REEP5: variants seen among roughly 807,000 people sequenced by gnomAD.
REEP5 encodes receptor accessory protein 5.
REEP5 carries 24 observed loss-of-function variants against 22.4 expected under a neutral mutation model. The ratio of observed to expected loss-of-function variants is 1.07; its 90% CI spans 0.78 to 1.51. The LOEUF (loss-of-function observed/expected upper bound fraction) is 1.51, where lower values mean the gene tolerates loss of function less well. REEP5 is among the 40% of genes most tolerant of loss of function. The pLI, the probability that REEP5 is intolerant of heterozygous loss-of-function variation, is 0.00. For missense variants in REEP5, 252 were observed against 233.0 expected (o/e 1.08, Z -0.53); for synonymous variants, 103 against 88.6 (o/e 1.16, Z -0.92).
rs1768595865 is a variant in REEP5, at chr5:112,894,061, C to T, written c.352-6878G>A. On this transcript the variant is annotated intron_variant, in intron 3 of 4. Coordinates refer to ENST00000379638, the MANE Select transcript of REEP5 (RefSeq NM_005669.5). ...GTTAATTACAGCAGACCCTGCAAGA[C>T]CACCTCTCTAGTTATTTCCCTGTGG... is the stretch of plus-strand genomic sequence containing the variant. The T allele has an allele frequency of 1.3e-5, 2 of 152,106 alleles. 1 individual carries two copies. The highest frequency in any genetic ancestry group is 4.1e-4 in the South Asian group (2 of 4,822). 9.4% of individuals were successfully genotyped at this position (152,106 alleles called of 1,614,324 possible).
At chr5:112,909,638 A>G (rs1018180049) in intron 2 of REEP5, among the ~76,000 whole-genome samples, 1 of 152,164 alleles carries the variant, frequency 6.6e-6, no homozygotes, top group Admixed American at 6.5e-5. Flanking sequence ...AGAATGGCAG[A>G]AATTCTTTAC....
chr5:112,915,169 AAAG>A (rs975965062), intron 2 of REEP5, among the ~76,000 whole-genome samples: 37 of 152,300 alleles, frequency 2.4e-4, no homozygotes, highest in African/African-American at 7.7e-4. Context: ...GCTACGACAG[AAAG>A]AAGGACAAAT....
rs1228701795 is a variant in REEP5 at position 112,902,407 on chromosome 5, T to C, written c.324A>G (p.Ser108=). Residue 108 remains serine, a synonymous_variant, in exon 3 of 5, where the codon TCA becomes TCG. Coordinates refer to ENST00000379638, the MANE Select transcript of REEP5 (RefSeq NM_005669.5). ...IAEFFSDIFL[S]WFPFYYMLKC... ...TCAGCATGTAGTAGAAGGGGAACCA[T>C]GACAGGAAGATATCAGAGAAGAATT... 1 of 1,613,034 alleles carries C rather than the reference T, an allele frequency of 6.2e-7. No homozygotes were observed. The highest frequency in any genetic ancestry group is 1.1e-5 in the South Asian group (1 of 90,836).
chr5:112,905,925 C>T (rs930256174), intron 2 of REEP5, among the ~76,000 whole-genome samples: 1 of 152,144 alleles, frequency 6.6e-6, no homozygotes, highest in Non-Finnish European at 1.5e-5. Flanking sequence ...GCCCAGGATA[C>T]TTATATACCT....
chr5:112,921,222 G>A lies in REEP5; in HGVS notation c.153C>T (p.Phe51=), dbSNP rs368322083. Residue 51 remains phenylalanine (F), a synonymous_variant, in exon 2 of 5, where the codon TTC becomes TTT. Coordinates refer to ENST00000379638, the MANE Select transcript of REEP5 (RefSeq NM_005669.5). ...TGCAGAGGAGAGAGGCTCCATAACC[G>A]AACACCAGGTACAAGGCCACCAGTC... ...VIGLVALYLV[F]GYGASLLCNL... The A allele has an allele frequency of 2.5e-6, 4 of 1,614,104 alleles. No homozygotes were observed. The East Asian group carries it at 6.7e-5, about 27-fold the overall frequency.
At chr5:112,904,002 C>G (rs1322459061) in intron 2 of REEP5, among the ~76,000 whole-genome samples, 1 of 152,098 alleles carries the variant, frequency 6.6e-6, no homozygotes, top group African/African-American at 2.4e-5. Context: ...TAGCTACTTG[C>G]TAAATTTTTA....
At chr5:112,908,210 C>T (rs541725699) in intron 2 of REEP5, among the ~76,000 whole-genome samples, 16 of 149,782 alleles carry the variant, frequency 1.1e-4, no homozygotes, top group Non-Finnish European at 2.4e-4. Flanking sequence ...AAGCAATTCT[C>T]CTGCCTCAGC....
chr5:112,894,470 T>C lies in REEP5; in HGVS notation c.352-7287A>G, dbSNP rs903881157. ...TACAATGTTTTACTGTAGTTGCTTA[T>C]ATAGGAAAAGCTATACATCCCCAAA... On this transcript the variant is annotated intron_variant, in intron 3 of 4. Transcript: ENST00000379638. 2.0e-5 allele frequency: 3 copies of C among 152,206 alleles called. No homozygotes were observed. In the East Asian group the frequency reaches 5.8e-4, roughly 29 times the overall value. 9.4% of individuals were successfully genotyped at this position (152,206 alleles called of 1,614,324 possible). A position where few individuals can be genotyped will look rare whatever the true frequency, so the allele number is the denominator to read the frequency against.
chr5:112,922,169 T>A lies in REEP5; in HGVS notation c.22A>T (p.Arg8Trp). 6.2e-7 allele frequency: 1 copy of A among 1,607,732 alleles called. No homozygotes were observed. Among genetic ancestry groups the A allele is most frequent in the Middle Eastern group, 1.7e-4 (1 of 6,052 alleles). ...TTCTCGTGCAGGAACCGGTCGAACC[T>A]CTCCCTCATGGCCGCAGACATGGCG... MSAAMRE[R>W]FDRFLHEKNC... Residue 8 changes from arginine (R) to tryptophan (W), a missense_variant, in exon 1 of 5, where the codon AGG becomes TGG. By Grantham distance (101) the Arg-to-Trp change is moderately radical. Transcript: ENST00000379638.
intron 3 of REEP5, among the ~76,000 whole-genome samples, chr5:112,888,449 G>C (rs2150037152): frequency 6.6e-6 from 1 of 152,288 alleles, no homozygotes; most frequent in East Asian, 1.9e-4. Context: ...CTTTCTGAGA[G>C]TCTTGCTCTG....
At position 112,887,119 on chromosome 5, in the gene REEP5, C is replaced by A. The variant is rs138223212; in HGVS notation, c.416G>T (p.Arg139Leu). 3 of 1,613,428 alleles carry A rather than the reference C, an allele frequency of 1.9e-6. No homozygotes were observed. In the South Asian group the frequency reaches 3.3e-5, roughly 18 times the overall value. ...CTTCAGGAAGAAAGGACGGATGATG[C>A]GCTTGTAGAGCAGTTCAGCCCCATT... ...PSNGAELLYKRIIRPFFLKHE... is the reference protein window; with the variant it reads ...PSNGAELLYKLIIRPFFLKHE... Residue 139 changes from arginine to leucine, a missense_variant, in exon 4 of 5, where the codon CGC (arginine) becomes CTC (leucine). Coordinates refer to ENST00000379638, the MANE Select transcript of REEP5 (RefSeq NM_005669.5).
At chr5:112,884,667 G>A (rs904853196) in intron 4 of REEP5, among the ~76,000 whole-genome samples, 5 of 151,994 alleles carry the variant, frequency 3.3e-5, no homozygotes, top group Non-Finnish European at 7.4e-5. Flanking sequence ...ATTACAGGCT[G>A]AGTCACTGTT....
intron 2 of REEP5, among the ~76,000 whole-genome samples, chr5:112,907,082 TG>T (rs1768972568): frequency 6.6e-6 from 1 of 152,180 alleles, no homozygotes; most frequent in African/African-American, 2.4e-5. Flanking sequence ...GAAATAAAAC[TG>T]TTCACTAAGA....
chr5:112,883,294 C>T (rs868753988), intron 4 of REEP5, among the ~76,000 whole-genome samples: 20 of 152,200 alleles, frequency 1.3e-4, no homozygotes, highest in Non-Finnish European at 2.8e-4. Flanking sequence ...TATCACTCCA[C>T]AAAATCTGTG....
intron 3 of REEP5, among the ~76,000 whole-genome samples, chr5:112,889,793 G>A (rs886925169): frequency 9.4e-5 from 14 of 148,592 alleles, no homozygotes; most frequent in Non-Finnish European, 1.9e-4. Flanking sequence ...ACTAGCCTGT[G>A]TAACATAGGG....
intron 3 of REEP5, chr5:112,891,476 CAA>C (rs1186989609): frequency 1.1e-6 from 1 of 944,854 alleles, no homozygotes; most frequent in Non-Finnish European, 1.5e-6. Flanking sequence ...AAAGGAGAAA[CAA>C]AATGAAAGTA....
chr5:112,902,231 T>C, intron 3 of REEP5, 149 bp downstream of exon 3: 1 of 828,906 alleles, frequency 1.2e-6, no homozygotes, highest in Non-Finnish European at 1.7e-6. Flanking sequence ...TTTGTTTTTT[T>C]TGAGACAGAG....
intron 4 of REEP5, among the ~76,000 whole-genome samples, chr5:112,879,508 C>T (rs981634745): frequency 6.6e-6 from 1 of 152,198 alleles, no homozygotes; most frequent in African/African-American, 2.4e-5. Context: ...GAGTCTCGCT[C>T]TGTCACCCAG....
At chr5:112,887,317 C>G in intron 3 of REEP5, 134 bp from the exon 4 acceptor site, 1 of 821,756 alleles carries the variant, frequency 1.2e-6, no homozygotes, top group Non-Finnish European at 1.7e-6. Context: ...CCAGTGTTTT[C>G]TGCAGGTTAA....
Sources: gnomAD v4.1 joint callset for allele counts (sites outside exome capture counted in the v4.1 genomes callset) on GRCh38, gnomAD v4.1.1 for gene constraint, MANE v1.5 for transcripts, NCBI Gene and HGNC (gene_info 2026-07-23, HGNC 2026-07-21) for gene names.